The following LGR5 variants were observed in gnomAD, a reference collection of about 807,000 sequenced individuals.
The protein encoded by LGR5 is leucine rich repeat containing G protein-coupled receptor 5.
In LGR5, 54 loss-of-function variants were observed where a neutral mutation model predicts 76.7. The ratio of observed to expected loss-of-function variants is 0.70; its 90% confidence interval spans 0.57 to 0.88. The LOEUF (loss-of-function observed/expected upper bound fraction) is 0.88, where lower values mean the gene tolerates loss of function less well. LGR5 is among the 40% of genes least tolerant of loss of function. The pLI, the probability that LGR5 is intolerant of heterozygous loss-of-function variation, is 0.00. For missense variants in LGR5, 1,078 were observed against 1,073.3 expected (o/e 1.00, Z -0.06); for synonymous variants, 406 against 421.9 (o/e 0.96, Z 0.46).
At chr12:71,538,055 A>C (rs955500727) in intron 4 of LGR5, among the ~76,000 whole-genome samples, 3 of 152,188 alleles carry the variant, frequency 2.0e-5, no homozygotes, top group Admixed American at 6.5e-5. Context: ...CTGTGAGCTC[A>C]TTGTCTTTAT....
intron 4 of LGR5, among the ~76,000 whole-genome samples, chr12:71,548,189 C>A (rs891412085): frequency 6.6e-6 from 1 of 152,066 alleles, no homozygotes; most frequent in African/African-American, 2.4e-5. Flanking sequence ...GGCCAAGATG[C>A]CAAGATCATT....
chr12:71,484,351 G>A (rs1418400056), intron 1 of LGR5, among the ~76,000 whole-genome samples: 1 of 152,162 alleles, frequency 6.6e-6, no homozygotes, highest in Non-Finnish European at 1.5e-5. Context: ...TTTGAGATAT[G>A]TAGAACTGTT....
At chr12:71,515,563 C>T (rs1875393750) in intron 2 of LGR5, among the ~76,000 whole-genome samples, 1 of 152,016 alleles carries the variant, frequency 6.6e-6, no homozygotes, top group South Asian at 2.1e-4. Context: ...TGGAAAATCA[C>T]AGAGAAGGAA....
At chr12:71,552,022 A>T (rs896371937) in intron 4 of LGR5, among the ~76,000 whole-genome samples, 14 of 151,444 alleles carry the variant, frequency 9.2e-5, no homozygotes, top group Non-Finnish European at 1.8e-4. Flanking sequence ...TTAAAAATGT[A>T]CTCAGTTCCA....
chr12:71,497,796 T>C (rs1874400624), intron 1 of LGR5, among the ~76,000 whole-genome samples: 1 of 152,206 alleles, frequency 6.6e-6, no homozygotes, highest in African/African-American at 2.4e-5. Flanking sequence ...GATGTAAATA[T>C]TTGTCTTCGA....
intron 14 of LGR5, 84 bp from the exon 15 acceptor site, chr12:71,578,720 C>T (rs1201396761): frequency 1.8e-5 from 24 of 1,353,538 alleles, no homozygotes; most frequent in Middle Eastern, 1.9e-4. Flanking sequence ...AGTAGTTTAA[C>T]GATCTTTAGG....
At chr12:71,457,419 T>A (rs559135960) in intron 1 of LGR5, among the ~76,000 whole-genome samples, 3 of 152,182 alleles carry the variant, frequency 2.0e-5, no homozygotes, top group Admixed American at 2.0e-4. Context: ...TAAAAGTAAT[T>A]AGCAAGCCAA....
chr12:71,567,300 A>C, intron 11 of LGR5: 1 of 227,444 alleles, frequency 4.4e-6, no homozygotes, highest in Non-Finnish European at 8.9e-6. Flanking sequence ...TCAGATCCAC[A>C]CAATCCTTGA....
At chr12:71,494,984 G>C (rs1874246033) in intron 1 of LGR5, among the ~76,000 whole-genome samples, 1 of 151,078 alleles carries the variant, frequency 6.6e-6, no homozygotes, top group African/African-American at 2.5e-5. Context: ...TCCAGATGCA[G>C]TGAGAAAGCA....
intron 15 of LGR5, among the ~76,000 whole-genome samples, chr12:71,579,386 A>AT (rs1387898609): frequency 6.6e-6 from 1 of 152,184 alleles, no homozygotes; most frequent in Non-Finnish European, 1.5e-5. Flanking sequence ...AAGATTATGT[A>AT]TTTTTTAACC....
intron 1 of LGR5, among the ~76,000 whole-genome samples, chr12:71,489,711 G>C (rs914053351): frequency 1.4e-4 from 22 of 152,020 alleles, no homozygotes; most frequent in African/African-American, 5.1e-4. Context: ...AATACTTTTT[G>C]TTTCAATAAC....
chr12:71,490,810 C>A (rs1389175798), intron 1 of LGR5, among the ~76,000 whole-genome samples: 1 of 152,136 alleles, frequency 6.6e-6, no homozygotes, highest in Non-Finnish European at 1.5e-5. Flanking sequence ...ATTCAGAAGG[C>A]TTAAAGCTGA....
At position 71,585,595 on chromosome 12, in the gene LGR5, G is replaced by T. The variant is rs1241808539; in HGVS notation, c.*861G>T. 2 of 152,150 alleles carry T rather than the reference G, an allele frequency of 1.3e-5. No individual in the cohort carries two copies. Among genetic ancestry groups the T allele is most frequent in the Non-Finnish European group, 2.9e-5 (2 of 68,020 alleles). 9.4% of individuals were successfully genotyped at this position (152,150 alleles called of 1,614,324 possible). A position where few individuals can be genotyped will look rare whatever the true frequency, so the allele number is the denominator to read the frequency against. On this transcript the variant is annotated 3_prime_UTR_variant, in exon 18 of 18. Transcript: ENST00000266674. ...GGGATTTTTTTTCTGGGTTAGTAAA[G>T]AATTTTTGCAATAAGTTTTATCAGT...
At chr12:71,539,509 A>G (rs1876768079) in intron 4 of LGR5, among the ~76,000 whole-genome samples, 1 of 151,986 alleles carries the variant, frequency 6.6e-6, no homozygotes, top group Non-Finnish European at 1.5e-5. Context: ...TTGGAGTCTC[A>G]CTCTGTTGCC....
chr12:71,529,529 G>A (rs1876193032), intron 3 of LGR5, among the ~76,000 whole-genome samples: 1 of 152,162 alleles, frequency 6.6e-6, no homozygotes, highest in African/African-American at 2.4e-5. Context: ...GGGACACAAA[G>A]CCAAACCATA....
At chr12:71,494,625 A>T (rs529446588) in intron 1 of LGR5, among the ~76,000 whole-genome samples, 15 of 151,352 alleles carry the variant, frequency 9.9e-5, no homozygotes, top group East Asian at 7.7e-4. Flanking sequence ...TTTGTGGTCT[A>T]TAATTTCTAA....
chr12:71,514,365 G>A (rs994025620), intron 2 of LGR5, among the ~76,000 whole-genome samples: 3 of 151,912 alleles, frequency 2.0e-5, no homozygotes, highest in African/African-American at 7.3e-5. Context: ...TCAGGAGATC[G>A]AGACCATCCT....
intron 2 of LGR5, among the ~76,000 whole-genome samples, chr12:71,512,232 C>T (rs1875193150): frequency 6.6e-6 from 1 of 152,160 alleles, no homozygotes; most frequent in Non-Finnish European, 1.5e-5. Flanking sequence ...CTCAAGGATC[C>T]ACCTGCCTTG....
rs541937377 is a variant in LGR5, at chr12:71,577,956, C to T, written c.1240C>T (p.His414Tyr). The change falls in exon 14 of 18, where the codon CAC (histidine) becomes TAC (tyrosine). Residue 414 changes from histidine to tyrosine, a missense_variant. His to Tyr is a moderately conservative substitution (Grantham distance 83). Transcript: ENST00000266674. The stretch of plus-strand genomic sequence containing the variant: ...GGCTTGGAACAAAATTGCTATTATT[C>T]ACCCCAATGCATTTTCCACTTTGCC... ...NLAWNKIAII[H>Y]PNAFSTLPSL... 2.9e-4 allele frequency: 468 copies of T among 1,613,514 alleles called. 3 individuals carry two copies. In the South Asian group the frequency reaches 4.9e-3, roughly 17 times the overall value.
Sources: gnomAD v4.1 joint callset for allele counts (sites outside exome capture counted in the v4.1 genomes callset) on GRCh38, gnomAD v4.1.1 for gene constraint, MANE v1.5 for transcripts, NCBI Gene and HGNC (gene_info 2026-07-23, HGNC 2026-07-21) for gene names.